Variants in GPR158 observed in about 807,000 individuals in gnomAD.
The protein encoded by GPR158 is metabotropic glycine receptor.
A neutral mutation model predicts 78.2 loss-of-function variants in GPR158; 30 were observed. That is an observed-to-expected ratio of 0.38 (90% CI 0.29 to 0.52). GPR158 has a LOEUF of 0.52. GPR158 is among the 20% of genes least tolerant of loss of function. The pLI is 0.83. For missense variants in GPR158, 1,463 were observed against 1,523.5 expected, an observed-to-expected ratio of 0.96 and a Z score of 0.66; for synonymous variants, 581 against 591.1, an observed-to-expected ratio of 0.98 and a Z score of 0.25.
At position 25,600,973 on chromosome 10, in the gene GPR158, C is replaced by G. The variant is rs932602886; in HGVS notation, c.*1699C>G. 1.3e-5 allele frequency: 2 copies of G among 152,040 alleles called. No homozygotes were observed. The highest frequency in any genetic ancestry group is 4.8e-5 in the African/African-American group (2 of 41,400). 9.4% of individuals were successfully genotyped at this position (152,040 alleles called of 1,614,324 possible). A position where few individuals can be genotyped will look rare whatever the true frequency, so the allele number is the denominator to read the frequency against. Reference sequence around the variant, plus strand: ...TAGAACCGAGACTTCCCTTTTTCTCCCTGTAAACACCCAAGTATCAACTGC... The same window carrying G: ...TAGAACCGAGACTTCCCTTTTTCTCGCTGTAAACACCCAAGTATCAACTGC... On this transcript the variant is annotated 3_prime_UTR_variant, in exon 11 of 11. Transcript: ENST00000376351.
At chr10:25,305,044 T>C (rs940875716) in intron 2 of GPR158, among the ~76,000 whole-genome samples, 2 of 152,222 alleles carry the variant, frequency 1.3e-5, no homozygotes, top group African/African-American at 4.8e-5. Context: ...CCCACACCCT[T>C]GGTGGTGGCT....
intron 5 of GPR158, among the ~76,000 whole-genome samples, chr10:25,504,810 A>G (rs748572145): frequency 3.9e-5 from 6 of 152,084 alleles, no homozygotes; most frequent in Non-Finnish European, 8.8e-5. Flanking sequence ...TCATGTTATC[A>G]TGTGCACTGG....
At chr10:25,459,835 ATT>A (rs942800791) in intron 4 of GPR158, among the ~76,000 whole-genome samples, 1 of 140,710 alleles carries the variant, frequency 7.1e-6, no homozygotes, top group African/African-American at 2.5e-5. Context: ...AATTTGACAT[ATT>A]TTTTTGTCTA....
intron 5 of GPR158, among the ~76,000 whole-genome samples, chr10:25,543,033 A>G (rs1836609033): frequency 6.6e-6 from 1 of 152,164 alleles, no homozygotes; most frequent in Non-Finnish European, 1.5e-5. Flanking sequence ...AAATCTTTGA[A>G]ATGGGAGAAT....
At chr10:25,266,045 G>A (rs1854041416) in intron 2 of GPR158, among the ~76,000 whole-genome samples, 1 of 152,070 alleles carries the variant, frequency 6.6e-6, no homozygotes, top group Non-Finnish European at 1.5e-5. Flanking sequence ...TCTGGGGGCA[G>A]GTTCCTTCTT....
chr10:25,374,488 G>C (rs1395375066), intron 2 of GPR158, among the ~76,000 whole-genome samples: 4 of 151,628 alleles, frequency 2.6e-5, no homozygotes, highest in African/African-American at 9.7e-5. Flanking sequence ...ATGTAGGTTT[G>C]TATAACCATT....
chr10:25,349,723 A>C (rs1307222116), intron 2 of GPR158, among the ~76,000 whole-genome samples: 1 of 146,470 alleles, frequency 6.8e-6, no homozygotes, highest in African/African-American at 2.7e-5. Flanking sequence ...TATATTACGC[A>C]ATTTCAGGTA....
intron 2 of GPR158, among the ~76,000 whole-genome samples, chr10:25,238,498 GGTGTGT>G (rs1853559341): frequency 3.3e-5 from 5 of 152,292 alleles, no homozygotes; most frequent in African/African-American, 1.2e-4. Flanking sequence ...AAATGGTCAA[GGTGTGT>G]TTTTAATTTA....
chr10:25,245,867 T>G (rs1024544235), intron 2 of GPR158, among the ~76,000 whole-genome samples: 15 of 152,230 alleles, frequency 9.9e-5, no homozygotes, highest in African/African-American at 3.6e-4. Flanking sequence ...ATAAAAATTA[T>G]GAAATCTTTT....
chr10:25,228,283 AT>A (rs756242978), intron 2 of GPR158, among the ~76,000 whole-genome samples: 8 of 152,134 alleles, frequency 5.3e-5, no homozygotes, highest in Non-Finnish European at 1.0e-4. Flanking sequence ...TCTAAAAAAA[AT>A]AATTTAAGAA....
intron 2 of GPR158, among the ~76,000 whole-genome samples, chr10:25,295,646 C>G (rs1199919341): frequency 6.6e-6 from 1 of 152,110 alleles, no homozygotes; most frequent in Non-Finnish European, 1.5e-5. Context: ...ATCTTCTGAC[C>G]TCGTGATCCA....
At chr10:25,567,058 A>G (rs1254774204) in intron 6 of GPR158, among the ~76,000 whole-genome samples, 2 of 152,056 alleles carry the variant, frequency 1.3e-5, no homozygotes, top group Non-Finnish European at 2.9e-5. Flanking sequence ...ACTCTAAAGA[A>G]GAAGCTCAGG....
intron 2 of GPR158, among the ~76,000 whole-genome samples, chr10:25,349,661 T>C (rs1180020714): frequency 6.8e-6 from 1 of 146,958 alleles, no homozygotes; most frequent in African/African-American, 2.7e-5. Context: ...CTCCCAACCA[T>C]GCTTTCTGTA....
chr10:25,536,505 C>T (rs1018150242), intron 5 of GPR158, among the ~76,000 whole-genome samples: 3 of 152,156 alleles, frequency 2.0e-5, no homozygotes, highest in African/African-American at 7.2e-5. Flanking sequence ...TCGTTAACAT[C>T]CCATTTACCA....
chr10:25,294,274 A>G (rs1854480326), intron 2 of GPR158, among the ~76,000 whole-genome samples: 1 of 152,166 alleles, frequency 6.6e-6, no homozygotes, highest in South Asian at 2.1e-4. Flanking sequence ...CTTTAGTAGG[A>G]TGATAGTGGG....
At chr10:25,283,326 G>A (rs1418121169) in intron 2 of GPR158, among the ~76,000 whole-genome samples, 1 of 151,956 alleles carries the variant, frequency 6.6e-6, no homozygotes, top group Non-Finnish European at 1.5e-5. Flanking sequence ...TGTTTGTAGG[G>A]TTTTTAGTAA....
chr10:25,581,754 C>A (rs1467187014), intron 7 of GPR158, among the ~76,000 whole-genome samples: 4 of 152,102 alleles, frequency 2.6e-5, no homozygotes, highest in South Asian at 4.2e-4. Flanking sequence ...CATAAAAGAT[C>A]AAAAATCAGA....
chr10:25,440,722 G>A (rs1835056425), intron 4 of GPR158, among the ~76,000 whole-genome samples: 1 of 152,088 alleles, frequency 6.6e-6, no homozygotes, highest in Non-Finnish European at 1.5e-5. Flanking sequence ...TGTATTTAAA[G>A]TTTGTCTGCT....
chr10:25,476,384 G>GTTTTTTTTT (rs56271781), intron 5 of GPR158, among the ~76,000 whole-genome samples: 2 of 144,434 alleles, frequency 1.4e-5, no homozygotes, highest in Non-Finnish European at 3.0e-5. Flanking sequence ...TTTAATAAGG[G>GTTTTTTTTT]TTTTTTTTTT....
Sources: allele counts gnomAD v4.1 joint callset (sites outside exome capture counted in the v4.1 genomes callset), GRCh38; gene constraint gnomAD v4.1.1; transcripts MANE v1.5; gene names NCBI Gene and HGNC (gene_info 2026-07-23, HGNC 2026-07-21).